The following CSGALNACT1 variants were observed in gnomAD, a reference collection of about 807,000 sequenced individuals.
CSGALNACT1 encodes the protein chondroitin sulfate N-acetylgalactosaminyltransferase 1.
A neutral mutation model predicts 51.0 loss-of-function variants in CSGALNACT1; 52 were observed. That is an observed-to-expected ratio of 1.02 (90% confidence interval 0.82 to 1.29). The LOEUF is 1.29. Among genes scored for constraint, CSGALNACT1 ranks in the 50% most tolerant of loss-of-function variants. The pLI, the probability that CSGALNACT1 is intolerant of heterozygous loss-of-function variation, is 0.00. For synonymous variants in CSGALNACT1, 341 were observed against 254.4 expected (o/e 1.34, Z -3.24); for missense variants, 935 against 679.2 (o/e 1.38, Z -4.19).
chr8:19,425,518 C>T (rs1482149343), intron 6 of CSGALNACT1, among the ~76,000 whole-genome samples: 2 of 152,284 alleles, frequency 1.3e-5, no homozygotes, highest in East Asian at 3.9e-4. Context: ...ATTTTTTCCT[C>T]TGTTCCCTCT....
At chr8:19,722,835 T>C (rs2063200353) in intron 1 of CSGALNACT1, among the ~76,000 whole-genome samples, 1 of 152,202 alleles carries the variant, frequency 6.6e-6, no homozygotes, top group Non-Finnish European at 1.5e-5. Context: ...TCTCCCCAGG[T>C]AGCAAGATCT....
At chr8:19,454,948 A>T (rs951443328) in intron 5 of CSGALNACT1, among the ~76,000 whole-genome samples, 2 of 152,250 alleles carry the variant, frequency 1.3e-5, no homozygotes, top group African/African-American at 4.8e-5. Context: ...TATAAATTTA[A>T]GCAAGATACA....
At chr8:19,495,074 G>A (rs1465282964) in intron 4 of CSGALNACT1, 1 of 152,214 alleles carries the variant, frequency 6.6e-6, no homozygotes, top group Non-Finnish European at 1.5e-5. Flanking sequence ...CTCCACGGAT[G>A]TTGACTTCTG....
chr8:19,690,209 A>T (rs1005827055), intron 1 of CSGALNACT1, among the ~76,000 whole-genome samples: 3 of 152,254 alleles, frequency 2.0e-5, no homozygotes, highest in African/African-American at 7.2e-5. Context: ...ATACTTTTCA[A>T]ATCAATTGCT....
intron 1 of CSGALNACT1, among the ~76,000 whole-genome samples, chr8:19,697,884 C>A (rs367757506): frequency 6.6e-6 from 1 of 152,056 alleles, no homozygotes; most frequent in Non-Finnish European, 1.5e-5. Flanking sequence ...GTGAGAAATA[C>A]GACTGCAAAA....
At chr8:19,611,095 G>C (rs997383060) in intron 1 of CSGALNACT1, among the ~76,000 whole-genome samples, 1 of 152,194 alleles carries the variant, frequency 6.6e-6, no homozygotes, top group African/African-American at 2.4e-5. Context: ...AGAAAAACAA[G>C]GCATAGTTAA....
At chr8:19,472,772 T>C (rs2153873551) in intron 4 of CSGALNACT1, among the ~76,000 whole-genome samples, 1 of 152,352 alleles carries the variant, frequency 6.6e-6, no homozygotes, top group Non-Finnish European at 1.5e-5. Context: ...TTCCAAAGCA[T>C]ATCAGAAAAG....
In CSGALNACT1 at chr8:19,757,367, A is replaced by G. The variant is rs1424281222; in HGVS notation, c.-297+483T>C. On this transcript the variant is annotated intron_variant, in intron 1 of 1. Transcript: ENST00000517494. The surrounding 1 kb of genome is among the most constrained non-coding windows in gnomAD (Gnocchi z 4.0). ...GGCGGCTCGGGCGGGCGGGCGCAAC[A>G]GCGGCCAAGCCTGGCGCCCCGCCGC... 7 of 151,348 alleles carry G rather than the reference A, an allele frequency of 4.6e-5. No individual in the cohort carries two copies. Among genetic ancestry groups the G allele is most frequent in the East Asian group, 1.9e-4 (1 of 5,144 alleles). The allele number at this position is 151,348 out of a possible 1,614,324, so 9.4% of individuals were successfully genotyped here. A position where few individuals can be genotyped will look rare whatever the true frequency, so the allele number is the denominator to read the frequency against.
At chr8:19,717,792 C>T (rs1284398782) in intron 1 of CSGALNACT1, among the ~76,000 whole-genome samples, 2 of 152,154 alleles carry the variant, frequency 1.3e-5, no homozygotes, top group African/African-American at 2.4e-5. Flanking sequence ...TAGTTTCTTG[C>T]ACTGTAACCC....
At chr8:19,526,305 C>T (rs1267723730) in intron 3 of CSGALNACT1, among the ~76,000 whole-genome samples, 2 of 152,186 alleles carry the variant, frequency 1.3e-5, no homozygotes, top group Admixed American at 1.3e-4. Context: ...TAGATAAAGG[C>T]CAGGCACAGT....
At chr8:19,555,231 T>A (rs539072753) in intron 3 of CSGALNACT1, among the ~76,000 whole-genome samples, 1 of 151,622 alleles carries the variant, frequency 6.6e-6, no homozygotes, top group Non-Finnish European at 1.5e-5. Context: ...AGAGCAAGAC[T>A]CTGTTTCAAA....
At chr8:19,479,957 A>C (rs562684777) in intron 4 of CSGALNACT1, among the ~76,000 whole-genome samples, 3 of 152,348 alleles carry the variant, frequency 2.0e-5, no homozygotes, top group African/African-American at 7.2e-5. Flanking sequence ...GGGATGACAG[A>C]TACCTCTTTG....
chr8:19,752,090 A>G (rs1309366966), intron 1 of CSGALNACT1, among the ~76,000 whole-genome samples: 2 of 146,006 alleles, frequency 1.4e-5, no homozygotes, highest in African/African-American at 5.0e-5. Context: ...GATGATGATA[A>G]ATGATATACA....
chr8:19,726,403 A>G (rs1210991437), intron 1 of CSGALNACT1, among the ~76,000 whole-genome samples: 1 of 152,220 alleles, frequency 6.6e-6, no homozygotes, highest in Non-Finnish European at 1.5e-5. Context: ...ATGAAAAAAT[A>G]TTCATTTTTA....
intron 3 of CSGALNACT1, among the ~76,000 whole-genome samples, chr8:19,580,286 G>A (rs960970588): frequency 3.3e-5 from 5 of 152,230 alleles, no homozygotes; most frequent in African/African-American, 1.2e-4. Flanking sequence ...AAAGCTGTGA[G>A]TTGTAAAAGG....
Position 19,562,695 on chromosome 8 carries a change from A to T in CSGALNACT1, c.-297+28465T>A, listed in dbSNP as rs2041037152. 1.3e-5 allele frequency among the ~76,000 whole-genome samples: 2 copies of T among 152,214 alleles called. 1 individual carries two copies. The highest frequency in any genetic ancestry group is 2.9e-5 in the Non-Finnish European group (2 of 68,028). ...TATGAAGAAAAGCTCAACATCACTT[A>T]TCATTAGAGAAATGCAAACCAAAAC... On this transcript the variant is annotated intron_variant, in intron 3 of 9. Transcript: ENST00000454498.
intron 3 of CSGALNACT1, among the ~76,000 whole-genome samples, chr8:19,557,407 C>G (rs770585234): frequency 2.0e-5 from 3 of 152,168 alleles, no homozygotes; most frequent in African/African-American, 7.2e-5. Context: ...TCCAGACTCT[C>G]CAACGTCTCC....
intron 1 of CSGALNACT1, among the ~76,000 whole-genome samples, chr8:19,749,733 A>C (rs1174789180): frequency 1.3e-5 from 2 of 152,176 alleles, no homozygotes; most frequent in Non-Finnish European, 2.9e-5. Flanking sequence ...AATTAACCAA[A>C]TCCCCAGCTC....
At chr8:19,601,247 C>T (rs980363862) in intron 2 of CSGALNACT1, among the ~76,000 whole-genome samples, 7 of 152,206 alleles carry the variant, frequency 4.6e-5, no homozygotes, top group African/African-American at 9.7e-5. Flanking sequence ...TCTCAAAGAG[C>T]TCTAGACAGT....
Sources: gnomAD v4.1 joint callset for allele counts (sites outside exome capture counted in the v4.1 genomes callset) on GRCh38, gnomAD v4.1.1 for gene constraint, Gnocchi (gnomAD v3.1) non-coding constraint, MANE v1.5 for transcripts, NCBI Gene and HGNC (gene_info 2026-07-23, HGNC 2026-07-21) for gene names.